STXBP4: variants seen among roughly 807,000 people sequenced by gnomAD.
The protein encoded by STXBP4 is syntaxin binding protein 4.
Under a neutral mutation model 76.1 loss-of-function variants are expected in STXBP4, and 55 were observed. That is an observed-to-expected ratio of 0.72 (90% CI 0.58 to 0.91). The LOEUF (loss-of-function observed/expected upper bound fraction) is 0.91, where lower values mean the gene tolerates loss of function less well. STXBP4 is among the 40% of genes least tolerant of loss of function. The pLI, the probability that STXBP4 is intolerant of heterozygous loss-of-function variation, is 0.00. For synonymous variants in STXBP4, 201 were observed against 220.2 expected (o/e 0.91, Z 0.77); for missense variants, 618 against 636.9 (o/e 0.97, Z 0.32).
intron 16 of STXBP4, among the ~76,000 whole-genome samples, chr17:55,107,749 G>A (rs1211301192): frequency 1.3e-5 from 2 of 152,188 alleles, no homozygotes; most frequent in Non-Finnish European, 2.9e-5. Context: ...ACCAGCGGAG[G>A]CTGCAGAACA....
intron 2 of STXBP4, 46 bp from the exon 3 acceptor site, chr17:54,986,096 A>G: frequency 2.6e-6 from 2 of 782,074 alleles, no homozygotes; most frequent in Non-Finnish European, 2.2e-6. Flanking sequence ...ATCAAATTTG[A>G]CAGTTCTAAG....
chr17:55,043,888 G>T, intron 11 of STXBP4: 1 of 452,840 alleles, frequency 2.2e-6, no homozygotes, highest in Non-Finnish European at 3.9e-6. Flanking sequence ...GCACTCTGTC[G>T]CCCAGGCTGG....
rs769387391 is a variant in STXBP4, at chr17:55,047,101, G to C, written c.958G>C (p.Glu320Gln). The C allele has an allele frequency of 6.2e-7, 1 of 1,603,414 alleles. No individual in the cohort carries two copies. Among genetic ancestry groups the C allele is most frequent in the Admixed American group, 1.7e-5 (1 of 59,222 alleles). Residue 320 changes from glutamate (E) to glutamine (Q), a missense_variant, in exon 12 of 18, where the codon GAA becomes CAA. Glu to Gln is a conservative substitution (Grantham distance 29, BLOSUM62 2). Transcript: ENST00000376352. ...EVNTLKEKLL[E>Q]SDKQRKQLTE... ...TTTTTAAATATAGGAAAAATTATTG[G>C]AATCAGATAAGCAAAGGAAACAATT...
At position 55,092,991 on chromosome 17, in the gene STXBP4, G is replaced by GT. The variant is rs202219134; in HGVS notation, c.1489+11814dup. 3.5e-3 allele frequency among the ~76,000 whole-genome samples: 525 copies of GT among 149,334 alleles called. 13 individuals are homozygous for GT. Among genetic ancestry groups the GT allele is most frequent in the Middle Eastern group, 0.028 (8 of 290 alleles). On this transcript the variant is annotated intron_variant, in intron 16 of 17. Coordinates refer to ENST00000376352, the MANE Select transcript of STXBP4 (RefSeq NM_178509.6). Reference sequence around the variant, plus strand: ...TTTTTTTGTTTTTTGTTTTTTGTTTGTTTTTTGTTTTTTGTTTTTTGGAGA... The same window carrying GT: ...TTTTTTTGTTTTTTGTTTTTTGTTTGTTTTTTTGTTTTTTGTTTTTTGGAGA...
At chr17:55,019,861 G>A (rs542464440) in intron 8 of STXBP4, among the ~76,000 whole-genome samples, 1 of 152,180 alleles carries the variant, frequency 6.6e-6, no homozygotes, top group East Asian at 1.9e-4. Flanking sequence ...GGTTTCTGTT[G>A]TTGCTGTTTT....
At chr17:55,022,899 T>C (rs762372789) in intron 8 of STXBP4, among the ~76,000 whole-genome samples, 3 of 152,208 alleles carry the variant, frequency 2.0e-5, no homozygotes, top group Non-Finnish European at 4.4e-5. Flanking sequence ...CTGGATTTTA[T>C]TCTGAGTTCA....
chr17:54,988,487 T>G (rs2144386755), intron 3 of STXBP4, among the ~76,000 whole-genome samples: 1 of 152,200 alleles, frequency 6.6e-6, no homozygotes, highest in South Asian at 2.1e-4. Context: ...AAGAAGGGAT[T>G]TATTGGCCAG....
At chr17:55,192,973 G>A in the STXBP4 span, among the ~76,000 whole-genome samples, 14 of 152,172 alleles carry the variant, frequency 9.2e-5, no homozygotes, top group Non-Finnish European at 1.5e-4. Context: ...CTCTCTGACT[G>A]CAAATACCAT....
At position 55,081,065 on chromosome 17, in the gene STXBP4, G is replaced by A. The variant is rs764066299; in HGVS notation, c.1371G>A (p.Val457=). Residue 457 remains valine, a synonymous_variant, in exon 16 of 18, where the codon GTG becomes GTA. Transcript: ENST00000376352. ...PLSNLSERRA[V]LASQTSLTPL... is the part of the protein sequence containing the mutation. ...GCCTTCATAGTGAAAGAAGAGCTGTGTTAGCTTCTCAGACTTCCCTCACAC... is the reference window on the plus strand; with the variant it reads ...GCCTTCATAGTGAAAGAAGAGCTGTATTAGCTTCTCAGACTTCCCTCACAC... 2.0e-6 allele frequency: 3 copies of A among 1,520,142 alleles called. No individual in the cohort carries two copies. The South Asian group carries it at 3.9e-5, about 20-fold the overall frequency. The allele number at this position is 1,520,142 out of a possible 1,614,324, so 94.2% of individuals were successfully genotyped here. A position where few individuals can be genotyped will look rare whatever the true frequency, so the allele number is the denominator to read the frequency against.
At chr17:54,990,624 C>G (rs765294091) in intron 3 of STXBP4, among the ~76,000 whole-genome samples, 2 of 152,012 alleles carry the variant, frequency 1.3e-5, no homozygotes, top group African/African-American at 4.8e-5. Flanking sequence ...TGAATCATCC[C>G]GAAACCATCA....
chr17:55,207,790 G>A, the STXBP4 span, among the ~76,000 whole-genome samples: 2 of 152,266 alleles, frequency 1.3e-5, no homozygotes, highest in South Asian at 2.1e-4. Flanking sequence ...TCTCATGCAC[G>A]CACGTGCGCA....
chr17:55,045,696 C>T (rs973427484), intron 11 of STXBP4, among the ~76,000 whole-genome samples: 7 of 152,078 alleles, frequency 4.6e-5, no homozygotes, highest in Admixed American at 2.0e-4. Flanking sequence ...CCAGATAAGC[C>T]GGCAACCAGC....
chr17:54,991,813 T>A (rs976801740), intron 4 of STXBP4: 1 of 150,926 alleles, frequency 6.6e-6, no homozygotes, highest in Non-Finnish European at 1.5e-5. Flanking sequence ...TAAAATTATA[T>A]TAATAATTAA....
chr17:55,064,162 T>C (rs1473298900), intron 12 of STXBP4, among the ~76,000 whole-genome samples: 1 of 152,158 alleles, frequency 6.6e-6, no homozygotes, highest in East Asian at 1.9e-4. Context: ...TATTTGAAAA[T>C]ATTGCTTTGA....
intron 17 of STXBP4, among the ~76,000 whole-genome samples, chr17:55,147,271 T>A (rs1455154391): frequency 6.6e-6 from 1 of 152,182 alleles, no homozygotes; most frequent in Non-Finnish European, 1.5e-5. Context: ...TCTACCTCAG[T>A]CATCAGGCAT....
chr17:55,164,595 C>T lies in STXBP4; in HGVS notation c.*4684C>T, dbSNP rs894935175. 3.3e-5 allele frequency: 5 copies of T among 151,182 alleles called. No individual in the cohort carries two copies. The East Asian group carries it at 9.7e-4, about 29-fold the overall frequency. 9.4% of individuals were successfully genotyped at this position (151,182 alleles called of 1,614,324 possible). On this transcript the variant is annotated 3_prime_UTR_variant, in exon 18 of 18. Coordinates refer to ENST00000376352, the MANE Select transcript of STXBP4 (RefSeq NM_178509.6). ...CCTCCCGAGTAGCTGGGACTACAGG[C>T]GCCCGCCACCGCGCCCGGCTAATTT...
intron 10 of STXBP4, among the ~76,000 whole-genome samples, chr17:55,035,154 A>G (rs572830587): frequency 2.9e-4 from 44 of 152,052 alleles, no homozygotes; most frequent in Admixed American, 7.9e-4. Flanking sequence ...CTGTTTTTCT[A>G]TCTACCATTT....
At chr17:55,007,339 C>CA (rs374486256) in intron 7 of STXBP4, among the ~76,000 whole-genome samples, 167 bp from the exon 8 acceptor site, 168 of 120,602 alleles carry the variant, frequency 1.4e-3, no homozygotes, top group Middle Eastern at 8.2e-3. Flanking sequence ...GTCCCCCCTC[C>CA]AAAAAAAAAA....
intron 17 of STXBP4, among the ~76,000 whole-genome samples, chr17:55,144,136 G>T (rs763883282): frequency 1.3e-5 from 2 of 152,014 alleles, no homozygotes; most frequent in Non-Finnish European, 2.9e-5. Context: ...AATTTAGGAA[G>T]AGCTCTATAC....
Sources: gnomAD v4.1 joint callset for allele counts (sites outside exome capture counted in the v4.1 genomes callset) on GRCh38, gnomAD v4.1.1 for gene constraint, MANE v1.5 for transcripts, NCBI Gene and HGNC (gene_info 2026-07-23, HGNC 2026-07-21) for gene names.